Variants in MEGF10 observed in about 807,000 individuals in gnomAD.
The protein encoded by MEGF10 is multiple epidermal growth factor-like domains protein 10.
Under a neutral mutation model 147.5 loss-of-function variants are expected in MEGF10, and 86 were observed. The observed-to-expected ratio is 0.58, with a 90% CI of 0.49 to 0.70. MEGF10 has a LOEUF of 0.70. MEGF10 is among the 30% of genes least tolerant of loss of function. MEGF10 has a pLI of 0.00. For missense variants in MEGF10, 1,329 were observed against 1,487.3 expected (o/e 0.89, Z 1.75); for synonymous variants, 478 against 525.5 (o/e 0.91, Z 1.24).
chr5:127,324,747 A>C (rs1760935649), intron 1 of MEGF10, among the ~76,000 whole-genome samples: 1 of 152,222 alleles, frequency 6.6e-6, no homozygotes, highest in Non-Finnish European at 1.5e-5. Flanking sequence ...GAGAGGAAGA[A>C]TTAAACTGAA....
At chr5:127,231,331 C>G in the MEGF10 span, among the ~76,000 whole-genome samples, 93 of 152,322 alleles carry the variant, frequency 6.1e-4, 2 homozygotes, top group East Asian at 0.018. Flanking sequence ...TTGCTAGGGT[C>G]CCTCTCTTCT....
the MEGF10 span, among the ~76,000 whole-genome samples, chr5:127,242,414 G>T: frequency 1.3e-5 from 2 of 151,980 alleles, no homozygotes; most frequent in African/African-American, 4.8e-5. Flanking sequence ...GAAATTGCAG[G>T]GATTTATACA....
the MEGF10 span, among the ~76,000 whole-genome samples, chr5:127,233,659 A>G: frequency 1.3e-5 from 2 of 152,302 alleles, no homozygotes; most frequent in Admixed American, 1.3e-4. Context: ...TTTTTTTCCC[A>G]TTAGATTAAG....
At chr5:127,350,482 T>G (rs1055332892) in intron 4 of MEGF10, among the ~76,000 whole-genome samples, 3 of 152,144 alleles carry the variant, frequency 2.0e-5, no homozygotes, top group African/African-American at 7.2e-5. Context: ...ATTCCTTTTT[T>G]CTTCCTTCCT....
At chr5:127,268,073 C>T in the MEGF10 span, among the ~76,000 whole-genome samples, 1 of 152,156 alleles carries the variant, frequency 6.6e-6, no homozygotes, top group Non-Finnish European at 1.5e-5. Context: ...ATAAATTTCC[C>T]TCTACACACT....
intron 10 of MEGF10, 143 bp from the exon 11 acceptor site, chr5:127,418,977 T>G (rs1315156712): frequency 1.0e-6 from 1 of 998,468 alleles, no homozygotes; most frequent in African/African-American, 1.6e-5. Flanking sequence ...AGTGGTGACA[T>G]TATGACAAAA....
At chr5:127,423,148 A>T (rs529690300) in intron 13 of MEGF10, among the ~76,000 whole-genome samples, 1 of 152,370 alleles carries the variant, frequency 6.6e-6, no homozygotes, top group East Asian at 1.9e-4. Context: ...AAAAATACAG[A>T]TATTAATATG....
Position 127,455,277 on chromosome 5 carries a change from C to T in MEGF10, c.3026-124C>T, listed in dbSNP as rs1030097684. The T allele has an allele frequency of 5.9e-6, 5 of 842,968 alleles. No individual in the cohort carries two copies. The African/African-American group carries it at 6.8e-5, about 11-fold the overall frequency. 52.2% of individuals were successfully genotyped at this position (842,968 alleles called of 1,614,324 possible). On this transcript the variant is annotated intron_variant, in intron 23 of 24. Transcript: ENST00000503335. ...CTCTCCAAAACAAGTGGAAAAGGTA[C>T]AGTATTATTTTCAGTGTGTAGAATT... is the stretch of plus-strand genomic sequence containing the variant.
rs1759360583 is a variant in MEGF10, at chr5:127,293,569, C to A, written c.-19+2513C>A. On this transcript the variant is annotated intron_variant, in intron 1 of 24. Transcript: ENST00000503335. ...ATTTTTACAAGTTCCCCAGGTGATT[C>A]TAATGCAAAACTCAAGTCACATGCT... Among the ~76,000 whole-genome samples, 2 of 152,182 alleles carry A rather than the reference C, an allele frequency of 1.3e-5. 1 individual carries two copies. The highest frequency in any genetic ancestry group is 4.1e-4 in the South Asian group (2 of 4,830).
the MEGF10 span, among the ~76,000 whole-genome samples, chr5:127,267,228 T>G: frequency 3.9e-5 from 6 of 152,210 alleles, no homozygotes; most frequent in Non-Finnish European, 8.8e-5. Context: ...TTACATTTAT[T>G]GATTTGTGTA....
chr5:127,450,479 A>G (rs1766110880), intron 22 of MEGF10, among the ~76,000 whole-genome samples: 1 of 152,234 alleles, frequency 6.6e-6, no homozygotes, highest in Admixed American at 6.5e-5. Flanking sequence ...CCAAGCCTGT[A>G]ACCCATATTT....
At chr5:127,345,278 G>A (rs1203000877) in intron 4 of MEGF10, among the ~76,000 whole-genome samples, 1 of 152,092 alleles carries the variant, frequency 6.6e-6, no homozygotes, top group Non-Finnish European at 1.5e-5. Flanking sequence ...GAACTTTTGG[G>A]GAGGCTGGTA....
intron 1 of MEGF10, among the ~76,000 whole-genome samples, chr5:127,299,117 ACTGATTGCAGGACTTAT>A (rs1269493933): frequency 6.6e-6 from 1 of 152,202 alleles, no homozygotes; most frequent in Non-Finnish European, 1.5e-5. Context: ...ACTGCGTCAC[ACTGATTGCAGGACTTAT>A]CTGATTGCAG....
chr5:127,410,525 G>A lies in MEGF10; in HGVS notation c.1054G>A (p.Ala352Thr), dbSNP rs533983780. The change falls in exon 9 of 25, where the codon GCA becomes ACA. Residue 352 changes from alanine to threonine, a missense_variant. By Grantham distance (58) the Ala-to-Thr change is moderately conservative (BLOSUM62 0). This residue lies in a region of MEGF10 where 980 missense variants were observed against 1,085.9 expected (regional missense o/e 0.90). Transcript: ENST00000503335. ...AGGCTTTGCTGGCGAGCGCTGCGAA[G>A]CACGCCTGTGTCCTGAGGGGCTCTA... ...EAGFAGERCE[A>T]RLCPEGLYGI... The A allele has an allele frequency of 6.2e-7, 1 of 1,613,610 alleles. No homozygotes were observed. The highest frequency in any genetic ancestry group is 1.7e-5 in the Admixed American group (1 of 60,010).
intron 4 of MEGF10, among the ~76,000 whole-genome samples, chr5:127,348,105 A>G (rs1241233908): frequency 6.6e-6 from 1 of 152,098 alleles, no homozygotes; most frequent in Non-Finnish European, 1.5e-5. Flanking sequence ...TTAAGCCATA[A>G]GATTTTCATG....
At chr5:127,308,535 A>G (rs888711287) in intron 1 of MEGF10, among the ~76,000 whole-genome samples, 1 of 152,224 alleles carries the variant, frequency 6.6e-6, no homozygotes, top group South Asian at 2.1e-4. Flanking sequence ...ATGCAGCCAT[A>G]AAAAATGATG....
intron 1 of MEGF10, among the ~76,000 whole-genome samples, chr5:127,296,835 T>G (rs539483792): frequency 9.2e-5 from 14 of 152,274 alleles, no homozygotes; most frequent in Non-Finnish European, 1.5e-4. Context: ...AATTTAAATA[T>G]CCACCCCTAT....
At chr5:127,415,011 C>T (rs1056653141) in intron 9 of MEGF10, among the ~76,000 whole-genome samples, 1 of 150,924 alleles carries the variant, frequency 6.6e-6, no homozygotes, top group Non-Finnish European at 1.5e-5. Flanking sequence ...GAGAGATAGG[C>T]AGAGAGTAAG....
the MEGF10 span, among the ~76,000 whole-genome samples, chr5:127,283,855 T>C: frequency 1.3e-5 from 2 of 152,240 alleles, no homozygotes; most frequent in Non-Finnish European, 2.9e-5. Flanking sequence ...TTGTTCATAA[T>C]GAAAAATGTA....
Sources: allele counts gnomAD v4.1 joint callset (sites outside exome capture counted in the v4.1 genomes callset), GRCh38; gene constraint gnomAD v4.1.1; regional missense constraint gnomAD v4.1.1; transcripts MANE v1.5; gene names NCBI Gene and HGNC (gene_info 2026-07-23, HGNC 2026-07-21).